The following RFX3 variants were observed in gnomAD, a reference collection of about 807,000 sequenced individuals.
RFX3 encodes regulatory factor X3.
RFX3 carries 14 observed loss-of-function variants against 98.6 expected under a neutral mutation model. The observed-to-expected ratio is 0.14, with a 90% CI of 0.09 to 0.22. RFX3 has a LOEUF of 0.22. Among genes scored for constraint, RFX3 ranks in the 10% least tolerant of loss-of-function variants. The pLI is 1.00. For synonymous variants in RFX3, 383 were observed against 328.4 expected (o/e 1.17, Z -1.80); for missense variants, 639 against 926.9 (o/e 0.69, Z 4.03).
intron 1 of RFX3, among the ~76,000 whole-genome samples, chr9:3,475,657 T>G (rs1240666784): frequency 6.6e-6 from 1 of 152,218 alleles, no homozygotes; most frequent in East Asian, 1.9e-4. Flanking sequence ...GTACTTTCAC[T>G]AATTTTGCTA....
rs557996524 is a variant in RFX3, at chr9:3,462,841, G to A, written c.-9+62906C>T. Among the ~76,000 whole-genome samples, 4 of 151,906 alleles carry A rather than the reference G, an allele frequency of 2.6e-5. No homozygotes were observed. In the South Asian group the frequency reaches 8.3e-4, roughly 32 times the overall value. On this transcript the variant is annotated intron_variant, in intron 1 of 16. Coordinates refer to ENST00000617270, the MANE Select transcript of RFX3 (RefSeq NM_001282116.2). ...CTTATAATAGTATTAAATATATAAT[G>A]GGAATAAAGTTAACAAAAAATATAT...
At chr9:3,328,203 T>C (rs1239667624) in intron 4 of RFX3, among the ~76,000 whole-genome samples, 1 of 152,130 alleles carries the variant, frequency 6.6e-6, no homozygotes, top group East Asian at 1.9e-4. Flanking sequence ...CCTTGATAAG[T>C]GGTATTTTCC....
At chr9:3,521,472 C>G (rs545464592) in intron 1 of RFX3, among the ~76,000 whole-genome samples, 4 of 152,054 alleles carry the variant, frequency 2.6e-5, no homozygotes, top group African/African-American at 9.7e-5. Flanking sequence ...AGTTCACATT[C>G]TTAGTGATAA....
chr9:3,228,818 T>C (rs773408129), intron 16 of RFX3, 29 bp downstream of exon 16: 12 of 1,586,570 alleles, frequency 7.6e-6, no homozygotes, highest in Admixed American at 7.1e-5. Flanking sequence ...ATAAAAGTTC[T>C]TAAAATGTAC....
chr9:3,371,650 T>C (rs1341966706), intron 2 of RFX3, among the ~76,000 whole-genome samples: 6 of 152,126 alleles, frequency 3.9e-5, no homozygotes, highest in Non-Finnish European at 7.4e-5. Context: ...TTAAGTAAGA[T>C]GAAAAGACGC....
intron 1 of RFX3, among the ~76,000 whole-genome samples, chr9:3,500,704 T>C (rs1354874277): frequency 6.6e-6 from 1 of 152,138 alleles, no homozygotes; most frequent in Admixed American, 6.5e-5. Flanking sequence ...GAACAAATCA[T>C]TCAAACACAC....
At position 3,351,985 on chromosome 9, in the gene RFX3, C is replaced by A. The variant is rs114205342; in HGVS notation, c.118-5221G>T. ...CTGTACAAAAAAATTTCAAAAAATA[C>A]GTAATTTATAAGAAAAAGGAAAACT... is the stretch of plus-strand genomic sequence containing the variant. On this transcript the variant is annotated intron_variant, in intron 2 of 16. Coordinates refer to ENST00000617270, the MANE Select transcript of RFX3 (RefSeq NM_001282116.2). Among the ~76,000 whole-genome samples the A allele has an allele frequency of 6.0e-3, 916 of 151,616 alleles. 5 individuals are homozygous for A. Among genetic ancestry groups the A allele is most frequent in the African/African-American group, 0.021 (865 of 41,378 alleles).
chr9:3,317,927 C>G (rs1056052551), intron 4 of RFX3, among the ~76,000 whole-genome samples: 24 of 152,162 alleles, frequency 1.6e-4, no homozygotes, highest in Non-Finnish European at 2.9e-4. Context: ...GTTGGTGGGA[C>G]TGTAAGCTAG....
chr9:3,228,951 C>T, intron 15 of RFX3, 62 bp from the exon 16 acceptor site: 1 of 1,434,680 alleles, frequency 7.0e-7, no homozygotes, highest in Non-Finnish European at 9.6e-7. Context: ...AATACTCTAT[C>T]AGTCTGTAGT....
At chr9:3,422,120 G>A (rs955198634) in intron 1 of RFX3, among the ~76,000 whole-genome samples, 1 of 152,172 alleles carries the variant, frequency 6.6e-6, no homozygotes, top group Non-Finnish European at 1.5e-5. Flanking sequence ...ATGACAAGAG[G>A]CTGGAGAACA....
chr9:3,386,414 T>C (rs1316158898), intron 2 of RFX3, among the ~76,000 whole-genome samples: 2 of 152,170 alleles, frequency 1.3e-5, no homozygotes, highest in Non-Finnish European at 2.9e-5. Flanking sequence ...TTAATATTTT[T>C]AGCTATAAAT....
chr9:3,443,605 T>C (rs1358238577), intron 1 of RFX3, among the ~76,000 whole-genome samples: 1 of 152,256 alleles, frequency 6.6e-6, no homozygotes, highest in Non-Finnish European at 1.5e-5. Context: ...CAGTCTATCA[T>C]TGATGGGCAT....
chr9:3,279,633 T>C (rs1282524903), intron 7 of RFX3, among the ~76,000 whole-genome samples: 1 of 151,844 alleles, frequency 6.6e-6, no homozygotes, highest in Non-Finnish European at 1.5e-5. Flanking sequence ...TATATTCCAC[T>C]TAGACTGTAA....
At chr9:3,522,636 C>A (rs1034816381) in intron 1 of RFX3, among the ~76,000 whole-genome samples, 1 of 150,456 alleles carries the variant, frequency 6.6e-6, no homozygotes, top group Non-Finnish European at 1.5e-5. Context: ...TAAACACAAA[C>A]ACACACACAC....
chr9:3,359,706 G>A (rs1281172279), intron 2 of RFX3, among the ~76,000 whole-genome samples: 1 of 152,014 alleles, frequency 6.6e-6, no homozygotes, highest in Non-Finnish European at 1.5e-5. Context: ...TATAAAATTG[G>A]TAGAATCTTC....
intron 7 of RFX3, among the ~76,000 whole-genome samples, chr9:3,279,580 A>G (rs1825670221): frequency 6.6e-6 from 1 of 151,854 alleles, no homozygotes; most frequent in Admixed American, 6.6e-5. Context: ...AATAGGCACA[A>G]ATATCAAGGG....
intron 1 of RFX3, among the ~76,000 whole-genome samples, chr9:3,477,310 T>G (rs965112000): frequency 1.3e-5 from 2 of 152,214 alleles, no homozygotes; most frequent in Non-Finnish European, 2.9e-5. Flanking sequence ...TTCACACGGA[T>G]TAAAATTTAC....
intron 1 of RFX3, among the ~76,000 whole-genome samples, chr9:3,484,006 A>G (rs1316631001): frequency 6.6e-6 from 1 of 152,206 alleles, no homozygotes; most frequent in East Asian, 1.9e-4. Flanking sequence ...AAATATATAT[A>G]TAACATCCCA....
chr9:3,496,917 C>A lies in RFX3; in HGVS notation c.-9+28830G>T, dbSNP rs531763422. Among the ~76,000 whole-genome samples, 26 of 152,136 alleles carry A rather than the reference C, an allele frequency of 1.7e-4. No homozygotes were observed. In the East Asian group the frequency reaches 4.8e-3, roughly 28 times the overall value. On this transcript the variant is annotated intron_variant, in intron 1 of 16. Coordinates refer to ENST00000617270, the MANE Select transcript of RFX3 (RefSeq NM_001282116.2). ...CAACTGTCTCATACAGCACAGTTTG[C>A]ATCTTTGTGGAAATTTCACAGATCC...
Sources: gnomAD v4.1 joint callset for allele counts (sites outside exome capture counted in the v4.1 genomes callset) on GRCh38, gnomAD v4.1.1 for gene constraint, MANE v1.5 for transcripts, NCBI Gene and HGNC (gene_info 2026-07-23, HGNC 2026-07-21) for gene names.